WDR89: variants seen among roughly 807,000 people sequenced by gnomAD.
WDR89 encodes WD repeat domain 89, also known as WD repeat-containing protein 89.
A neutral mutation model predicts 29.1 loss-of-function variants in WDR89; 17 were observed. The ratio of observed to expected loss-of-function variants is 0.58; its 90% CI spans 0.40 to 0.88. The LOEUF is 0.88. WDR89 is among the 40% of genes least tolerant of loss of function. The pLI is 0.00. For missense variants in WDR89, 396 were observed against 456.3 expected (o/e 0.87, Z 1.20); for synonymous variants, 138 against 157.8 (o/e 0.87, Z 0.94).
intron 2 of WDR89, chr14:63,622,020 G>A (rs949567407): frequency 7.9e-5 from 12 of 152,200 alleles, no homozygotes; most frequent in African/African-American, 2.9e-4. Flanking sequence ...AGAGCACTGG[G>A]AATGGTAAAC....
At chr14:63,622,568 G>A (rs1165564584) in intron 2 of WDR89, among the ~76,000 whole-genome samples, 7 of 151,510 alleles carry the variant, frequency 4.6e-5, no homozygotes, top group South Asian at 4.2e-4. Flanking sequence ...GCAACAGAGC[G>A]AGACTTCATC....
chr14:63,622,584 AAAAC>A (rs1351745415), intron 2 of WDR89, among the ~76,000 whole-genome samples: 2 of 151,994 alleles, frequency 1.3e-5, no homozygotes, highest in Non-Finnish European at 2.9e-5. Context: ...TCATCTCAAA[AAAAC>A]AAACAATCAA....
At chr14:63,628,806 C>T (rs1172007594) in intron 1 of WDR89, among the ~76,000 whole-genome samples, 1 of 151,894 alleles carries the variant, frequency 6.6e-6, no homozygotes, top group Non-Finnish European at 1.5e-5. Context: ...ATCAAAAGTA[C>T]AAAAAATTAG....
At chr14:63,608,877 G>C (rs1376134875) in intron 2 of WDR89, among the ~76,000 whole-genome samples, 1 of 152,206 alleles carries the variant, frequency 6.6e-6, no homozygotes, top group Non-Finnish European at 1.5e-5. Context: ...GCTGAGGTGG[G>C]AGATCACGAG....
chr14:63,636,214 G>C (rs749124231), intron 1 of WDR89, among the ~76,000 whole-genome samples: 1 of 152,048 alleles, frequency 6.6e-6, no homozygotes, highest in African/African-American at 2.4e-5. Flanking sequence ...CCTAACAAAG[G>C]AGTCAAAAGA....
chr14:63,636,681 A>G (rs575813299), intron 1 of WDR89, among the ~76,000 whole-genome samples: 1 of 152,344 alleles, frequency 6.6e-6, no homozygotes, highest in Admixed American at 6.5e-5. Context: ...CACCCTTTTC[A>G]ACAAATGGTG....
chr14:63,631,534 TA>T (rs896031330), intron 1 of WDR89, among the ~76,000 whole-genome samples: 20 of 149,118 alleles, frequency 1.3e-4, no homozygotes, highest in Admixed American at 7.3e-4. Context: ...CCTGGCCAAT[TA>T]AAAAAAAAAA....
At chr14:63,623,793 G>A (rs946591928) in intron 2 of WDR89, among the ~76,000 whole-genome samples, 4 of 149,496 alleles carry the variant, frequency 2.7e-5, no homozygotes, top group Non-Finnish European at 5.9e-5. Context: ...AAAAGACAGA[G>A]ATTGTCAGGA....
At chr14:63,601,407 G>A in intron 2 of WDR89, 1 of 716,160 alleles carries the variant, frequency 1.4e-6, no homozygotes, top group Non-Finnish European at 2.4e-6. Context: ...AGGGTGGGCT[G>A]TATGTAGGAC....
intron 2 of WDR89, among the ~76,000 whole-genome samples, chr14:63,611,206 A>G (rs747134066): frequency 1.3e-4 from 19 of 151,838 alleles, no homozygotes; most frequent in Non-Finnish European, 2.4e-4. Flanking sequence ...GAGTGGTGGC[A>G]CACACTTGTA....
chr14:63,601,674 G>C, intron 2 of WDR89: 1 of 1,612,070 alleles, frequency 6.2e-7, no homozygotes, highest in Non-Finnish European at 8.5e-7. Flanking sequence ...TAAAGGAAAG[G>C]GTGGAGAGAT....
At position 63,598,815 on chromosome 14, in the gene WDR89, A is replaced by G. The variant is rs1264870883; in HGVS notation, c.1128T>C (p.His376=). The G allele has an allele frequency of 6.2e-7, 1 of 1,604,076 alleles. No homozygotes were observed. The highest frequency in any genetic ancestry group is 1.7e-5 in the Admixed American group (1 of 58,084). The change falls in exon 3 of 3, where the codon CAT becomes CAC. Residue 376 remains histidine, a synonymous_variant. Transcript: ENST00000620954. The part of the protein sequence containing the change: ...ASSVHQRVRV[H]SNDSYKRRKK... Reference sequence around the variant, plus strand: ...TCCTTCTTTTATAAGAATCATTACTATGAACTCGTACTCGTTGGTGCACAG... The same window carrying G: ...TCCTTCTTTTATAAGAATCATTACTGTGAACTCGTACTCGTTGGTGCACAG...
chr14:63,603,283 C>T (rs1338005575), intron 2 of WDR89, among the ~76,000 whole-genome samples: 1 of 152,090 alleles, frequency 6.6e-6, no homozygotes, highest in Middle Eastern at 3.2e-3. Context: ...CACACACACA[C>T]ACCCCACTGC....
At position 63,609,409 on chromosome 14, in the gene WDR89, C is replaced by T. The variant is rs140611931; in HGVS notation, c.-31-9436G>A. On this transcript the variant is annotated intron_variant, in intron 2 of 2. Coordinates refer to ENST00000620954, the MANE Select transcript of WDR89 (RefSeq NM_080666.4). The stretch of plus-strand genomic sequence containing the variant: ...AACACAATATCAAATAAACAACTCT[C>T]AAATCTGAATAAACTACAGCCACAC... 6.4e-3 allele frequency among the ~76,000 whole-genome samples: 973 copies of T among 152,240 alleles called. 12 individuals carry two copies. The highest frequency in any genetic ancestry group is 0.022 in the African/African-American group (919 of 41,532).
chr14:63,602,128 T>C lies in WDR89; in HGVS notation c.-31-2155A>G, dbSNP rs116744520. On this transcript the variant is annotated intron_variant, in intron 2 of 2. Transcript: ENST00000620954. Reference sequence around the variant, plus strand: ...CTCAAGAACTGTTAGGAGGATTAACTAATGCATGCCATGTGTTCTGCACAA... The same window carrying C: ...CTCAAGAACTGTTAGGAGGATTAACCAATGCATGCCATGTGTTCTGCACAA... Among the ~76,000 whole-genome samples the C allele has an allele frequency of 5.9e-3, 903 of 152,312 alleles. 7 individuals are homozygous for C. The highest frequency in any genetic ancestry group is 0.021 in the African/African-American group (867 of 41,584).
intron 2 of WDR89, among the ~76,000 whole-genome samples, chr14:63,615,044 G>T (rs1465234297): frequency 6.6e-6 from 1 of 152,204 alleles, no homozygotes; most frequent in East Asian, 1.9e-4. Context: ...TAAGGAAAAG[G>T]GGGAGGACTG....
In WDR89 at chr14:63,600,318, AC is replaced by A. The variant is rs575627598; in HGVS notation, c.-31-346del. ...AGACCAGCCTGAGCAACATGGGGAGACCCCCCCGCCGTCTCTTCAAAAAATA... is the reference window on the plus strand; with the variant it reads ...AGACCAGCCTGAGCAACATGGGGAGACCCCCCGCCGTCTCTTCAAAAAATA... On this transcript the variant is annotated intron_variant, in intron 2 of 2. Transcript: ENST00000620954. Among the ~76,000 whole-genome samples the A allele has an allele frequency of 4.6e-5, 7 of 151,082 alleles. No individual in the cohort carries two copies. The East Asian group carries it at 9.8e-4, about 21-fold the overall frequency.
At chr14:63,624,032 G>T (rs1882880313) in intron 2 of WDR89, among the ~76,000 whole-genome samples, 1 of 151,964 alleles carries the variant, frequency 6.6e-6, no homozygotes, top group African/African-American at 2.4e-5. Context: ...GTAAAAGCAA[G>T]AACTACAAAA....
chr14:63,615,161 A>T (rs1164209627), intron 2 of WDR89, among the ~76,000 whole-genome samples: 1 of 152,184 alleles, frequency 6.6e-6, no homozygotes. Context: ...CCTCAATAAC[A>T]TCCTGAGATG....
Sources: allele counts gnomAD v4.1 joint callset (sites outside exome capture counted in the v4.1 genomes callset), GRCh38; gene constraint gnomAD v4.1.1; transcripts MANE v1.5; gene names NCBI Gene and HGNC (gene_info 2026-07-23, HGNC 2026-07-21).